Variants in GBP2 observed in about 807,000 individuals in gnomAD.
The protein encoded by GBP2 is guanylate-binding protein 2.
A neutral mutation model predicts 60.8 loss-of-function variants in GBP2; 54 were observed. That is an observed-to-expected ratio of 0.89 (90% CI 0.71 to 1.11). The LOEUF (loss-of-function observed/expected upper bound fraction) is 1.11, where lower values mean the gene tolerates loss of function less well. Among genes scored for constraint, GBP2 ranks in the 50% most tolerant of loss-of-function variants. GBP2 has a pLI of 0.00. For synonymous variants in GBP2, 243 were observed against 256.5 expected (o/e 0.95, Z 0.50); for missense variants, 665 against 703.3 (o/e 0.95, Z 0.62).
intron 9 of GBP2, 57 bp downstream of exon 9, chr1:89,110,107 G>T: frequency 7.9e-7 from 1 of 1,263,618 alleles, no homozygotes; most frequent in Non-Finnish European, 1.1e-6. Flanking sequence ...GACCAATATT[G>T]CTAACTAACA....
chr1:89,122,099 G>T, intron 1 of GBP2, 116 bp from the exon 2 acceptor site: 2 of 617,124 alleles, frequency 3.2e-6, no homozygotes, highest in Non-Finnish European at 2.6e-6. Flanking sequence ...TTTCATATAC[G>T]TTTTTTAAAG....
rs1362827335 is a variant in GBP2 at position 89,122,002 on chromosome 1, GA to G, written c.-17-20del. 6.5e-7 allele frequency: 1 copy of G among 1,544,602 alleles called. No individual in the cohort carries two copies. Among genetic ancestry groups the G allele is most frequent in the South Asian group, 1.2e-5 (1 of 82,156 alleles). On this transcript the variant is annotated intron_variant, in intron 1 of 10. Transcript: ENST00000370466. The stretch of plus-strand genomic sequence containing the variant: ...TTGTTCCCTTGTGTGCAAGGAAAAA[GA>G]TGAAATGGAAAGCAGTTTTTAGGTA...
At chr1:89,120,789 A>G (rs2100619290) in intron 3 of GBP2, among the ~76,000 whole-genome samples, 1 of 152,248 alleles carries the variant, frequency 6.6e-6, no homozygotes, top group South Asian at 2.1e-4. Context: ...CATTTTTACT[A>G]CCTTTGTGGG....
intron 6 of GBP2, among the ~76,000 whole-genome samples, chr1:89,115,378 C>T (rs1461853405): frequency 1.3e-5 from 2 of 152,134 alleles, no homozygotes; most frequent in African/African-American, 2.4e-5. Context: ...ACTACTCCAA[C>T]AAATTATCTA....
At chr1:89,116,227 G>A (rs1332905183) in intron 6 of GBP2, among the ~76,000 whole-genome samples, 1 of 151,976 alleles carries the variant, frequency 6.6e-6, no homozygotes, top group Non-Finnish European at 1.5e-5. Flanking sequence ...TGCCCAGGCT[G>A]GTCTCAAACT....
In GBP2 at chr1:89,124,922, A is replaced by G. The variant is rs557580882; in HGVS notation, c.-18+941T>C. On this transcript the variant is annotated intron_variant, in intron 1 of 10. Transcript: ENST00000370466. ...AGTTATTTCAGGTAATGAAGCCAGC[A>G]TCAGGAAACATTCTCTGATGAACCA... is the stretch of plus-strand genomic sequence containing the variant. Among the ~76,000 whole-genome samples, 28 of 152,322 alleles carry G rather than the reference A, an allele frequency of 1.8e-4. No individual in the cohort carries two copies. In the South Asian group the frequency reaches 5.6e-3, roughly 30 times the overall value.
At chr1:89,109,236 T>C (rs1252382796) in intron 10 of GBP2, among the ~76,000 whole-genome samples, 1 of 152,092 alleles carries the variant, frequency 6.6e-6, no homozygotes, top group Non-Finnish European at 1.5e-5. Context: ...CTTCCAGACA[T>C]AAAGTCTTAG....
intron 10 of GBP2, among the ~76,000 whole-genome samples, chr1:89,109,407 G>C (rs1681118922): frequency 6.6e-6 from 1 of 152,170 alleles, no homozygotes; most frequent in East Asian, 1.9e-4. Context: ...TACCATTAAA[G>C]GAAAATTTGA....
chr1:89,119,954 A>T lies in GBP2; in HGVS notation c.428+225T>A, dbSNP rs145235899. ...CATAGGAGATTAAGTCAGATAGAGG[A>T]TATACAGAGTCTTGGGTGGCTGAGT... is the stretch of plus-strand genomic sequence containing the variant. On this transcript the variant is annotated intron_variant, in intron 4 of 10. Coordinates refer to ENST00000370466, the MANE Select transcript of GBP2 (RefSeq NM_004120.5). 2.0e-4 allele frequency: 102 copies of T among 503,350 alleles called. 2 individuals carry two copies. The highest frequency in any genetic ancestry group is 1.8e-3 in the African/African-American group (92 of 51,524). The allele number at this position is 503,350 out of a possible 1,614,324, so 31.2% of individuals were successfully genotyped here.
intron 4 of GBP2, 124 bp downstream of exon 4, chr1:89,120,055 G>C (rs1317518188): frequency 4.5e-6 from 3 of 665,074 alleles, no homozygotes; most frequent in Non-Finnish European, 8.0e-6. Flanking sequence ...TCAGCATAAT[G>C]AGATTTATTA....
Position 89,108,101 on chromosome 1 carries a change from C to T in GBP2, c.*74G>A. The T allele has an allele frequency of 1.3e-6, 1 of 750,306 alleles. No homozygotes were observed. The allele number at this position is 750,306 out of a possible 1,614,324, so 46.5% of individuals were successfully genotyped here. Reference sequence around the variant, plus strand: ...GTTAAGTTTAATGGCAGTTGTTTGACACTCTGAAGTTGCTCATTCATGTTG... The same window carrying T: ...GTTAAGTTTAATGGCAGTTGTTTGATACTCTGAAGTTGCTCATTCATGTTG... On this transcript the variant is annotated 3_prime_UTR_variant, in exon 11 of 11. Transcript: ENST00000370466.
Position 89,117,634 on chromosome 1 carries a change from C to T in GBP2, c.568G>A (p.Asp190Asn). ...LRDFTLELEVDGEPITADDYL... is the reference protein window; with the variant it reads ...LRDFTLELEVNGEPITADDYL... ...TCATCAGCAGTGATGGGTTCTCCATCTACTTCCAGTTCCAGGGTGAAATCT... is the reference window on the plus strand; with the variant it reads ...TCATCAGCAGTGATGGGTTCTCCATTTACTTCCAGTTCCAGGGTGAAATCT... Residue 190 changes from aspartate to asparagine, a missense_variant, in exon 5 of 11, where the codon GAT becomes AAT. By Grantham distance (23) the Asp-to-Asn change is conservative. Transcript: ENST00000370466. The T allele has an allele frequency of 6.2e-7, 1 of 1,614,148 alleles. No homozygotes were observed. Among genetic ancestry groups the T allele is most frequent in the Non-Finnish European group, 8.5e-7 (1 of 1,180,008 alleles).
chr1:89,113,849 G>A (rs1681213222), intron 7 of GBP2, among the ~76,000 whole-genome samples, 167 bp downstream of exon 7: 1 of 152,156 alleles, frequency 6.6e-6, no homozygotes, highest in African/African-American at 2.4e-5. Flanking sequence ...TAAAAAATTA[G>A]GTGTCTTTTT....
intron 1 of GBP2, among the ~76,000 whole-genome samples, chr1:89,125,390 T>C (rs1160368533): frequency 6.6e-6 from 1 of 152,224 alleles, no homozygotes; most frequent in Non-Finnish European, 1.5e-5. Flanking sequence ...GCAAGACTTC[T>C]GTTTCATTTT....
chr1:89,116,991 C>T lies in GBP2; in HGVS notation c.868+1G>A, dbSNP rs185011739. ...GGAAGTGGGTAGAGAGAGTGACTCACGAGGCCCATTGACTGGAATGCCACC... is the reference window on the plus strand; with the variant it reads ...GGAAGTGGGTAGAGAGAGTGACTCATGAGGCCCATTGACTGGAATGCCACC... On this transcript the variant is annotated splice_donor_variant, in intron 6 of 10. Coordinates refer to ENST00000370466, the MANE Select transcript of GBP2 (RefSeq NM_004120.5). LOFTEE classifies it high-confidence loss of function. 2.7e-5 allele frequency: 44 copies of T among 1,613,780 alleles called. No individual in the cohort carries two copies. Among genetic ancestry groups the T allele is most frequent in the South Asian group, 2.3e-4 (21 of 91,066 alleles).
Position 89,115,921 on chromosome 1 carries a change from A to G in GBP2, c.868+1071T>C, listed in dbSNP as rs369338026. 3.6e-4 allele frequency among the ~76,000 whole-genome samples: 55 copies of G among 152,148 alleles called. 6 individuals are homozygous for G. The highest frequency in any genetic ancestry group is 9.2e-4 in the Admixed American group (14 of 15,290). ...CTGTGTTCTATTTTCTTGAAGTTGC[A>G]AAGTTCTATCCTGCCCTATGCATTT... On this transcript the variant is annotated intron_variant, in intron 6 of 10. Transcript: ENST00000370466.
chr1:89,125,185 G>A (rs1229754671), intron 1 of GBP2, among the ~76,000 whole-genome samples: 1 of 152,136 alleles, frequency 6.6e-6, no homozygotes, highest in Non-Finnish European at 1.5e-5. Flanking sequence ...TAGACTGTAA[G>A]CATTACAGCT....
rs763592090 is a variant in GBP2, at chr1:89,121,132, AT to A, written c.318+10del. ...CCTAAGTGAAATTTTTAAAATACTT[AT>A]TTTTTTTACCTTCTCTATATCTCCC... is the stretch of plus-strand genomic sequence containing the variant. On this transcript the variant is annotated intron_variant, in intron 3 of 10. Coordinates refer to ENST00000370466, the MANE Select transcript of GBP2 (RefSeq NM_004120.5). 158 of 1,604,502 alleles carry A rather than the reference AT, an allele frequency of 9.8e-5. No homozygotes were observed. The highest frequency in any genetic ancestry group is 1.8e-4 in the Middle Eastern group (1 of 5,522).
At chr1:89,122,016 C>T in intron 1 of GBP2, 33 bp from the exon 2 acceptor site, 2 of 1,516,214 alleles carry the variant, frequency 1.3e-6, no homozygotes, top group Non-Finnish European at 1.8e-6. Flanking sequence ...AAATGGAAAG[C>T]AGTTTTTAGG....
Sources: gnomAD v4.1 joint callset for allele counts (sites outside exome capture counted in the v4.1 genomes callset) on GRCh38, gnomAD v4.1.1 for gene constraint, MANE v1.5 for transcripts, NCBI Gene and HGNC (gene_info 2026-07-23, HGNC 2026-07-21) for gene names.